Variants in RTN1 observed in about 807,000 individuals in gnomAD.
RTN1 encodes reticulon-1.
A neutral mutation model predicts 65.5 loss-of-function variants in RTN1; 25 were observed. The ratio of observed to expected loss-of-function variants is 0.38; its 90% CI spans 0.28 to 0.53. The LOEUF (loss-of-function observed/expected upper bound fraction) is 0.53. Ranked by LOEUF, RTN1 falls within the 20% of genes least tolerant of loss-of-function variation. The probability of loss-of-function intolerance (pLI) is 0.79; values close to 1 mark genes in which losing one functional copy is unlikely to be tolerated. For synonymous variants in RTN1, 471 were observed against 447.6 expected, an observed-to-expected ratio of 1.05 and a Z score of -0.66; for missense variants, 983 against 1,025.4, an observed-to-expected ratio of 0.96 and a Z score of 0.57.
intron 3 of RTN1, among the ~76,000 whole-genome samples, chr14:59,723,433 C>T (rs1464925271): frequency 2.0e-5 from 3 of 151,290 alleles, no homozygotes; most frequent in Non-Finnish European, 4.4e-5. Flanking sequence ...GGTGAAACCC[C>T]ATCTCCACTA....
rs1886326834 is a variant in RTN1 at position 59,790,363 on chromosome 14, C to A, written c.242-43882G>T. ...AGCAGTAGTCATTTCTGAATGGTAG[C>A]AACAGAGGTTTGTGTTCCTTTTGGT... On this transcript the variant is annotated intron_variant, in intron 1 of 8. Transcript: ENST00000267484. This position sits in a 1 kb window ranked among gnomAD's most constrained non-coding sequence, Gnocchi z 4.1. Among the ~76,000 whole-genome samples, 1 of 151,972 alleles carries A rather than the reference C, an allele frequency of 6.6e-6. No homozygotes were observed.
In RTN1 at chr14:59,749,102, C is replaced by CTATATATA. The variant is rs1212484111; in HGVS notation, c.242-2629_242-2622dup. Among the ~76,000 whole-genome samples, 30 of 74,144 alleles carry CTATATATA rather than the reference C, an allele frequency of 4.0e-4. 1 individual carries two copies. Among genetic ancestry groups the CTATATATA allele is most frequent in the African/African-American group, 2.4e-3 (29 of 11,900 alleles). The allele number at this position is 74,144 out of a possible 152,430, so 48.6% of individuals were successfully genotyped here. On this transcript the variant is annotated intron_variant, in intron 1 of 8. Transcript: ENST00000267484. ...CACGCCGGGGCATCTATATATATAT[C>CTATATATA]TATATATATATATATATATATAGAT...
At position 59,603,085 on chromosome 14, in the gene RTN1, G is replaced by A; in HGVS notation, c.2268C>T (p.His756=). 1.9e-6 allele frequency: 3 copies of A among 1,613,364 alleles called. No individual in the cohort carries two copies. Among genetic ancestry groups the A allele is most frequent in the Non-Finnish European group, 2.5e-6 (3 of 1,179,676 alleles). ...IDQYLGLVRT[H]INAVVAKIQA... The stretch of plus-strand genomic sequence containing the variant: ...CTTACTTTGCCACAACAGCATTTAT[G>A]TGAGTCCTCACAAGTCCCAGATATT... The change falls in exon 8 of 9, where the codon CAC becomes CAT. Residue 756 remains histidine, a synonymous_variant. Coordinates refer to ENST00000267484, the MANE Select transcript of RTN1 (RefSeq NM_021136.3).
At chr14:59,863,815 A>G (rs1887751505) in intron 1 of RTN1, among the ~76,000 whole-genome samples, 1 of 152,200 alleles carries the variant, frequency 6.6e-6, no homozygotes, top group African/African-American at 2.4e-5. Flanking sequence ...ACCCCAGCTA[A>G]TAACAACTTC....
intron 2 of RTN1, among the ~76,000 whole-genome samples, chr14:59,729,910 T>C (rs1884863701): frequency 6.6e-6 from 1 of 152,208 alleles, no homozygotes; most frequent in Non-Finnish European, 1.5e-5. Flanking sequence ...ATGAAGGAGA[T>C]GTTGAGATAT....
intron 5 of RTN1, 31 bp from the exon 6 acceptor site, chr14:59,603,952 A>T: frequency 6.3e-7 from 1 of 1,580,840 alleles, no homozygotes; most frequent in Non-Finnish European, 8.7e-7. Context: ...TAGAGCTCCT[A>T]AAACCCTTCC....
chr14:59,607,689 C>T, intron 3 of RTN1, 197 bp from the exon 4 acceptor site: 1 of 596,858 alleles, frequency 1.7e-6, no homozygotes, highest in Non-Finnish European at 3.0e-6. Flanking sequence ...TCTTTTCCAC[C>T]CTTGAGGATA....
At chr14:59,802,742 T>G (rs1197786942) in intron 1 of RTN1, among the ~76,000 whole-genome samples, 1 of 152,182 alleles carries the variant, frequency 6.6e-6, no homozygotes. Flanking sequence ...CAGGTTTTAT[T>G]TTCCCGATCT....
intron 2 of RTN1, among the ~76,000 whole-genome samples, chr14:59,738,008 A>T (rs1885035332): frequency 6.6e-6 from 1 of 152,240 alleles, no homozygotes; most frequent in South Asian, 2.1e-4. Context: ...ACAAAAATCA[A>T]CTAAAGATGG....
At chr14:59,695,013 C>A (rs549734670) in intron 3 of RTN1, among the ~76,000 whole-genome samples, 1 of 152,250 alleles carries the variant, frequency 6.6e-6, no homozygotes, top group East Asian at 1.9e-4. Context: ...TATTCTTTTC[C>A]CTGTATTTCC....
chr14:59,822,047 T>A (rs564590578), intron 1 of RTN1, among the ~76,000 whole-genome samples: 33 of 152,148 alleles, frequency 2.2e-4, no homozygotes, highest in Middle Eastern at 3.4e-3. Flanking sequence ...GAGGGAGGAG[T>A]TCCTTCTCAG....
At chr14:59,703,166 C>T (rs1386078306) in intron 3 of RTN1, among the ~76,000 whole-genome samples, 6 of 152,076 alleles carry the variant, frequency 3.9e-5, no homozygotes, top group Non-Finnish European at 7.4e-5. Flanking sequence ...CTTTTCCTCC[C>T]CAGAGTCTTA....
chr14:59,675,448 G>A (rs1039717220), intron 3 of RTN1, among the ~76,000 whole-genome samples: 1 of 149,120 alleles, frequency 6.7e-6, no homozygotes, highest in Non-Finnish European at 1.5e-5. Flanking sequence ...AGGACTTGGG[G>A]GGGGGGCGCT....
At chr14:59,679,068 T>G (rs17096496) in intron 3 of RTN1, among the ~76,000 whole-genome samples, 2,886 of 152,268 alleles carry the variant, frequency 0.019, 100 homozygotes, top group African/African-American at 0.064. Flanking sequence ...GATTGGATTG[T>G]GAGGGATGAC....
intron 3 of RTN1, among the ~76,000 whole-genome samples, chr14:59,644,948 G>A (rs916599109): frequency 6.6e-6 from 1 of 152,188 alleles, no homozygotes; most frequent in Non-Finnish European, 1.5e-5. Context: ...CCCTGGAATG[G>A]AGCTCCCAGG....
In RTN1 at chr14:59,727,877, T is replaced by C. The variant is rs1048403098; in HGVS notation, c.1016-209A>G. ...TGAACTAAAAGGCTAATTACTGTTA[T>C]GGCCCAATTAATTAGTGTTTTACAG... On this transcript the variant is annotated intron_variant, in intron 2 of 8. Transcript: ENST00000267484. This position sits in a 1 kb window ranked among gnomAD's most constrained non-coding sequence, Gnocchi z 4.2. Among the ~76,000 whole-genome samples the C allele has an allele frequency of 3.3e-5, 5 of 152,234 alleles. No homozygotes were observed. Among genetic ancestry groups the C allele is most frequent in the Non-Finnish European group, 5.9e-5 (4 of 68,040 alleles).
At chr14:59,869,849 G>C (rs1374200087) in intron 1 of RTN1, among the ~76,000 whole-genome samples, 1 of 152,176 alleles carries the variant, frequency 6.6e-6, no homozygotes, top group South Asian at 2.1e-4. Flanking sequence ...AGGGATGTGG[G>C]GGGAGTAAGG....
At chr14:59,776,790 G>GT (rs2139568437) in intron 1 of RTN1, among the ~76,000 whole-genome samples, 1 of 152,164 alleles carries the variant, frequency 6.6e-6, no homozygotes, top group East Asian at 1.9e-4. Flanking sequence ...AGGAGGAGGC[G>GT]TAAAAAACCT....
At chr14:59,601,283 G>T (rs1383248817) in intron 8 of RTN1, among the ~76,000 whole-genome samples, 1 of 151,954 alleles carries the variant, frequency 6.6e-6, no homozygotes, top group East Asian at 1.9e-4. Context: ...TATCATCCAC[G>T]TGATGACTGT....
Sources: gnomAD v4.1 joint callset for allele counts (sites outside exome capture counted in the v4.1 genomes callset) on GRCh38, gnomAD v4.1.1 for gene constraint, Gnocchi (gnomAD v3.1) non-coding constraint, MANE v1.5 for transcripts, NCBI Gene and HGNC (gene_info 2026-07-23, HGNC 2026-07-21) for gene names.